SFMBT2: variants seen among roughly 807,000 people sequenced by gnomAD.
SFMBT2 encodes the protein Scm like with four mbt domains 2, also known as scm-like with four MBT domains protein 2.
SFMBT2 carries 38 observed loss-of-function variants against 110.1 expected under a neutral mutation model. That is an observed-to-expected ratio of 0.35 (90% CI 0.27 to 0.45). The LOEUF (loss-of-function observed/expected upper bound fraction) is 0.45, where lower values mean the gene tolerates loss of function less well. Ranked by LOEUF, SFMBT2 falls within the 20% of genes least tolerant of loss-of-function variation. SFMBT2 has a pLI of 1.00. For synonymous variants in SFMBT2, 425 were observed against 425.4 expected, an observed-to-expected ratio of 1.00 and a Z score of 0.01; for missense variants, 1,011 against 1,094.9, an observed-to-expected ratio of 0.92 and a Z score of 1.08.
At chr10:7,399,300 T>C (rs903925387) in intron 1 of SFMBT2, among the ~76,000 whole-genome samples, 1 of 152,196 alleles carries the variant, frequency 6.6e-6, no homozygotes, top group Non-Finnish European at 1.5e-5. Context: ...TGGCGTGATC[T>C]TGGTTCACTG....
At chr10:7,337,479 T>C (rs1290854492) in intron 4 of SFMBT2, among the ~76,000 whole-genome samples, 1 of 152,134 alleles carries the variant, frequency 6.6e-6, no homozygotes, top group Non-Finnish European at 1.5e-5. Context: ...GGTCTTGTCA[T>C]GGTAAAAGTG....
chr10:7,333,906 G>C (rs1843638479), intron 4 of SFMBT2, among the ~76,000 whole-genome samples: 1 of 152,138 alleles, frequency 6.6e-6, no homozygotes, highest in African/African-American at 2.4e-5. Flanking sequence ...CGGGAAGGCA[G>C]GAAATGAGTT....
At chr10:7,332,138 C>A (rs1488161353) in intron 4 of SFMBT2, among the ~76,000 whole-genome samples, 1 of 151,980 alleles carries the variant, frequency 6.6e-6, no homozygotes, top group Admixed American at 6.5e-5. Context: ...GGTATTGGCT[C>A]TTGGTACCAA....
At chr10:7,298,741 GTA>G (rs1491572361) in intron 4 of SFMBT2, among the ~76,000 whole-genome samples, 2 of 152,034 alleles carry the variant, frequency 1.3e-5, no homozygotes, top group Non-Finnish European at 1.5e-5. Flanking sequence ...GTATGTATGT[GTA>G]TATGTGTGTG....
At chr10:7,342,066 G>A (rs1043191417) in intron 4 of SFMBT2, among the ~76,000 whole-genome samples, 4 of 149,760 alleles carry the variant, frequency 2.7e-5, no homozygotes, top group Admixed American at 6.7e-5. Context: ...TACTTGGTCC[G>A]CAGCTCACTG....
At chr10:7,166,701 TA>T (rs1319646453) in intron 20 of SFMBT2, among the ~76,000 whole-genome samples, 1 of 152,160 alleles carries the variant, frequency 6.6e-6, no homozygotes, top group Admixed American at 6.6e-5. Flanking sequence ...GCCAGTCTTA[TA>T]GGGGTGCTGA....
chr10:7,368,458 C>T (rs1844972546), intron 3 of SFMBT2: 2 of 562,926 alleles, frequency 3.6e-6, no homozygotes, highest in South Asian at 7.7e-5. Context: ...CCGCTGTCCG[C>T]AAGTGGCCAC....
Position 7,354,742 on chromosome 10 carries a change from AGGC to A in SFMBT2, c.436+12904_436+12906del, listed in dbSNP as rs1251404466. ...TTTACAAGTTATTAATCAAGCAAACAGGCTTTTAAGTAAAGTATGCCCTGTCCT... is the reference window on the plus strand; with the variant it reads ...TTTACAAGTTATTAATCAAGCAAACATTTTAAGTAAAGTATGCCCTGTCCT... On this transcript the variant is annotated intron_variant, in intron 4 of 20. Coordinates refer to ENST00000397167, the MANE Select transcript of SFMBT2 (RefSeq NM_001387889.1). 2.7e-3 allele frequency among the ~76,000 whole-genome samples: 409 copies of A among 152,400 alleles called. 2 individuals carry two copies. The highest frequency in any genetic ancestry group is 9.5e-3 in the African/African-American group (394 of 41,604).
chr10:7,242,423 G>T (rs74820630), intron 9 of SFMBT2, among the ~76,000 whole-genome samples: 1 of 152,106 alleles, frequency 6.6e-6, no homozygotes, highest in Non-Finnish European at 1.5e-5. Flanking sequence ...ATGACCCTGC[G>T]CAAGTTATAT....
chr10:7,341,385 G>A (rs1843898225), intron 4 of SFMBT2, among the ~76,000 whole-genome samples: 1 of 152,106 alleles, frequency 6.6e-6, no homozygotes, highest in African/African-American at 2.4e-5. Context: ...GTTCTACTAA[G>A]GGAAGAGAAA....
intron 4 of SFMBT2, among the ~76,000 whole-genome samples, chr10:7,290,550 G>A (rs1442467628): frequency 6.6e-6 from 1 of 152,166 alleles, no homozygotes; most frequent in East Asian, 1.9e-4. Flanking sequence ...TTATAAAGCT[G>A]CCGAGCTGGA....
At chr10:7,290,081 A>G (rs745679051) in intron 4 of SFMBT2, among the ~76,000 whole-genome samples, 5 of 152,188 alleles carry the variant, frequency 3.3e-5, no homozygotes, top group Non-Finnish European at 5.9e-5. Context: ...AAACATCAGG[A>G]AACTCAAAAC....
chr10:7,191,715 G>C (rs1178684217), intron 15 of SFMBT2, among the ~76,000 whole-genome samples: 1 of 152,208 alleles, frequency 6.6e-6, no homozygotes, highest in African/African-American at 2.4e-5. Flanking sequence ...GACATAAGCA[G>C]CAGGAAATCA....
chr10:7,313,675 G>A (rs1842914526), intron 4 of SFMBT2, among the ~76,000 whole-genome samples: 1 of 152,034 alleles, frequency 6.6e-6, no homozygotes, highest in Non-Finnish European at 1.5e-5. Context: ...TAGAGATGGG[G>A]GTCTCACTTT....
chr10:7,276,978 A>G lies in SFMBT2; in HGVS notation c.784T>C (p.Leu262=), dbSNP rs567953164. The stretch of plus-strand genomic sequence containing the variant: ...CATTTCCATTCAGAGGCCATCTTCA[A>G]AGGATAGATTTCTGTATCAACAGCA... ...RMDPPSEIYP[L]KMASEWKCTL... The change falls in exon 7 of 21, where the codon TTG becomes CTG. Residue 262 remains leucine, a synonymous_variant. Transcript: ENST00000397167. The G allele has an allele frequency of 3.4e-6, 3 of 872,574 alleles. No homozygotes were observed. In the African/African-American group the frequency reaches 4.9e-5, roughly 14 times the overall value. 54.1% of individuals were successfully genotyped at this position (872,574 alleles called of 1,614,324 possible). A position where few individuals can be genotyped will look rare whatever the true frequency, so the allele number is the denominator to read the frequency against.
At chr10:7,339,172 G>A (rs140978415) in intron 4 of SFMBT2, among the ~76,000 whole-genome samples, 6 of 152,094 alleles carry the variant, frequency 3.9e-5, no homozygotes, top group African/African-American at 4.8e-5. Flanking sequence ...CCCGGGAGGC[G>A]GAGGTTGCAG....
At chr10:7,291,732 T>C (rs773368960) in intron 4 of SFMBT2, among the ~76,000 whole-genome samples, 2 of 152,208 alleles carry the variant, frequency 1.3e-5, no homozygotes, top group Non-Finnish European at 1.5e-5. Context: ...AGAAGCCGCC[T>C]TCCAAACTAG....
chr10:7,386,030 C>A (rs1845594574), intron 1 of SFMBT2, among the ~76,000 whole-genome samples: 1 of 152,044 alleles, frequency 6.6e-6, no homozygotes, highest in Non-Finnish European at 1.5e-5. Context: ...CCTCTCCTTA[C>A]AAGCTCTCAG....
At chr10:7,198,728 T>G (rs1365197446) in intron 14 of SFMBT2, among the ~76,000 whole-genome samples, 1 of 152,164 alleles carries the variant, frequency 6.6e-6, no homozygotes, top group Non-Finnish European at 1.5e-5. Flanking sequence ...GCAGAATAAT[T>G]AAATGATAAG....
Sources: gnomAD v4.1 joint callset for allele counts (sites outside exome capture counted in the v4.1 genomes callset) on GRCh38, gnomAD v4.1.1 for gene constraint, MANE v1.5 for transcripts, NCBI Gene and HGNC (gene_info 2026-07-23, HGNC 2026-07-21) for gene names.